The following OLFM3 variants were observed in gnomAD, a reference collection of about 807,000 sequenced individuals.
OLFM3 encodes the protein noelin-3.
OLFM3 carries 20 observed loss-of-function variants against 48.6 expected under a neutral mutation model. The ratio of observed to expected loss-of-function variants is 0.41; its 90% CI spans 0.29 to 0.60. The LOEUF is 0.60. Ranked by LOEUF, OLFM3 falls within the 20% of genes least tolerant of loss-of-function variation. OLFM3 has a pLI of 0.28. For synonymous variants in OLFM3, 222 were observed against 198.1 expected, an observed-to-expected ratio of 1.12 and a Z score of -1.01; for missense variants, 437 against 544.3, an observed-to-expected ratio of 0.80 and a Z score of 1.96.
intron 1 of OLFM3, among the ~76,000 whole-genome samples, chr1:101,921,697 G>A (rs1659099928): frequency 1.3e-5 from 2 of 152,128 alleles, no homozygotes; most frequent in Admixed American, 6.6e-5. Context: ...ATGCATTAAA[G>A]GTGCTATCTG....
At chr1:101,982,196 G>A (rs1037524566) in intron 1 of OLFM3, among the ~76,000 whole-genome samples, 5 of 152,082 alleles carry the variant, frequency 3.3e-5, no homozygotes, top group Non-Finnish European at 5.9e-5. Context: ...CATGTGTGGC[G>A]ATGGTGATGC....
chr1:101,807,150 T>A (rs183083619), intron 4 of OLFM3, among the ~76,000 whole-genome samples: 1 of 151,966 alleles, frequency 6.6e-6, no homozygotes, highest in Admixed American at 6.6e-5. Context: ...TAGGGATACA[T>A]GTGCAGGTTT....
At chr1:101,948,988 G>C (rs1660041422) in intron 1 of OLFM3, among the ~76,000 whole-genome samples, 1 of 151,086 alleles carries the variant, frequency 6.6e-6, no homozygotes, top group Non-Finnish European at 1.5e-5. Flanking sequence ...AGTTAGGATT[G>C]TAAAAAAGTG....
chr1:101,974,879 T>C (rs879905610), intron 1 of OLFM3, among the ~76,000 whole-genome samples: 9 of 152,220 alleles, frequency 5.9e-5, no homozygotes, highest in Non-Finnish European at 8.8e-5. Flanking sequence ...GCAGGTTAAA[T>C]TGGGAATGTG....
At chr1:101,846,839 A>T (rs752319392) in intron 1 of OLFM3, 1 of 1,606,510 alleles carries the variant, frequency 6.2e-7, no homozygotes, top group Non-Finnish European at 8.5e-7. Context: ...CACCGCAGTA[A>T]CTTACTAAGG....
At chr1:101,899,601 TA>T (rs1407223041) in intron 1 of OLFM3, among the ~76,000 whole-genome samples, 1 of 152,170 alleles carries the variant, frequency 6.6e-6, no homozygotes, top group Admixed American at 6.5e-5. Context: ...TAGTTGCTGG[TA>T]AACGTTTGAC....
At chr1:101,877,149 T>TAGTA (rs3079183) in intron 1 of OLFM3, among the ~76,000 whole-genome samples, 76,835 of 151,360 alleles carry the variant, frequency 0.51, 19,886 homozygotes, top group Non-Finnish European at 0.56. Context: ...AATATCTGAC[T>TAGTA]ATAAATGATA....
chr1:101,956,086 G>GTTGGTTTTTTTTTTTTT (rs1553183027), intron 1 of OLFM3, among the ~76,000 whole-genome samples: 1 of 105,054 alleles, frequency 9.5e-6, no homozygotes, highest in African/African-American at 3.9e-5. Flanking sequence ...ACAATAACAG[G>GTTGGTTTTTTTTTTTTT]TTTTTTTTTT....
chr1:101,837,564 T>C (rs540146414), intron 1 of OLFM3: 1 of 152,306 alleles, frequency 6.6e-6, no homozygotes, highest in African/African-American at 2.4e-5. Flanking sequence ...ACCAGCACTA[T>C]TTTGCACGAA....
intron 1 of OLFM3, among the ~76,000 whole-genome samples, chr1:101,932,816 CAGAAATAGAACTCATAATATGGA>C (rs1301508600): frequency 6.6e-6 from 1 of 151,980 alleles, no homozygotes; most frequent in Non-Finnish European, 1.5e-5. Flanking sequence ...GCTGAAATGA[CAGAAATAGAACTCATAATATGGA>C]TAGAAACAAA....
At chr1:101,824,964 G>T in intron 4 of OLFM3, 62 bp downstream of exon 4, 1 of 1,404,040 alleles carries the variant, frequency 7.1e-7, no homozygotes, top group Non-Finnish European at 1.0e-6. Flanking sequence ...AAACGTAAGA[G>T]CACAATTTTC....
At chr1:101,887,129 G>A (rs1196741772) in intron 1 of OLFM3, among the ~76,000 whole-genome samples, 3 of 151,356 alleles carry the variant, frequency 2.0e-5, no homozygotes, top group Non-Finnish European at 2.9e-5. Context: ...ATAGATACAG[G>A]TGAAATATTT....
At chr1:101,971,540 G>C (rs187115678) in intron 1 of OLFM3, among the ~76,000 whole-genome samples, 1 of 152,224 alleles carries the variant, frequency 6.6e-6, no homozygotes, top group Admixed American at 6.5e-5. Context: ...CATTTTTGAT[G>C]GTTTCCAAAG....
At chr1:101,944,179 A>G (rs7527254) in intron 1 of OLFM3, among the ~76,000 whole-genome samples, 129,956 of 151,824 alleles carry the variant, frequency 0.86, 56,182 homozygotes, top group Middle Eastern at 0.96. Flanking sequence ...TTTTATTATC[A>G]CATATAAATT....
intron 1 of OLFM3, among the ~76,000 whole-genome samples, chr1:101,971,836 G>A (rs1314115801): frequency 1.3e-5 from 2 of 151,794 alleles, no homozygotes; most frequent in African/African-American, 4.8e-5. Flanking sequence ...ATCTTTTTTT[G>A]TTTGTAGTTT....
chr1:101,902,982 A>T (rs1433003034), intron 1 of OLFM3, among the ~76,000 whole-genome samples: 1 of 152,084 alleles, frequency 6.6e-6, no homozygotes, highest in Non-Finnish European at 1.5e-5. Context: ...ATGAAGGATA[A>T]AAGGGATTTT....
intron 1 of OLFM3, among the ~76,000 whole-genome samples, chr1:101,969,396 G>T (rs115487362): frequency 0.027 from 4,104 of 151,738 alleles, 71 homozygotes; most frequent in Admixed American, 0.035. Flanking sequence ...TGAACTCGTG[G>T]ACTCAAGTGA....
intron 1 of OLFM3, among the ~76,000 whole-genome samples, chr1:101,955,372 G>A (rs923122460): frequency 4.0e-5 from 6 of 151,892 alleles, no homozygotes; most frequent in Admixed American, 2.6e-4. Flanking sequence ...GTAAAAGTAA[G>A]AATTTAATGA....
chr1:101,804,364 T>C lies in OLFM3; in HGVS notation c.1251A>G (p.Gln417=). The C allele has an allele frequency of 1.2e-6, 2 of 1,612,448 alleles. No homozygotes were observed. Among genetic ancestry groups the C allele is most frequent in the Non-Finnish European group, 1.7e-6 (2 of 1,178,902 alleles). The change falls in exon 6 of 6, where the codon CAA becomes CAG. Residue 417 remains glutamine (Q), a synonymous_variant. Coordinates refer to ENST00000370103, the MANE Select transcript of OLFM3 (RefSeq NM_058170.4). The surrounding 1 kb of genome is among the most constrained non-coding windows in gnomAD (Gnocchi z 4.5). ...AGTCAAGCATGGATATGTGAAAGTA[T>C]TGGTTATGGAAGGGAATGTCTGTGT... ...YEYTDIPFHN[Q]YFHISMLDYN...
Sources: allele counts gnomAD v4.1 joint callset (sites outside exome capture counted in the v4.1 genomes callset), GRCh38; gene constraint gnomAD v4.1.1; non-coding constraint Gnocchi (gnomAD v3.1); transcripts MANE v1.5; gene names NCBI Gene and HGNC (gene_info 2026-07-23, HGNC 2026-07-21).